The following ADARB2 variants were observed in gnomAD, a reference collection of about 807,000 sequenced individuals.
ADARB2 encodes the protein adenosine deaminase RNA specific B2 (inactive).
In ADARB2, 25 loss-of-function variants were observed where a neutral mutation model predicts 62.2. That is an observed-to-expected ratio of 0.40 (90% CI 0.29 to 0.56). The LOEUF is 0.56. Ranked by LOEUF, ADARB2 falls within the 20% of genes least tolerant of loss-of-function variation. The pLI is 0.43. For synonymous variants in ADARB2, 572 were observed against 500.8 expected (o/e 1.14, Z -1.90); for missense variants, 1,071 against 1,077.4 (o/e 0.99, Z 0.08).
intron 4 of ADARB2, among the ~76,000 whole-genome samples, chr10:1,259,578 A>G (rs1051882463): frequency 6.6e-6 from 1 of 152,138 alleles, no homozygotes; most frequent in African/African-American, 2.4e-5. Flanking sequence ...CGACACATAC[A>G]CTCTCCCAAG....
intron 1 of ADARB2, among the ~76,000 whole-genome samples, chr10:1,660,341 A>T (rs10751813): frequency 6.6e-6 from 1 of 152,224 alleles, no homozygotes; most frequent in Non-Finnish European, 1.5e-5. Flanking sequence ...TCTGTGTCAG[A>T]AATTATTAAT....
At chr10:1,609,651 C>T (rs1672883216) in intron 1 of ADARB2, among the ~76,000 whole-genome samples, 1 of 152,234 alleles carries the variant, frequency 6.6e-6, no homozygotes, top group Non-Finnish European at 1.5e-5. Flanking sequence ...TGTCTGTAAT[C>T]CTGAAAGAAC....
chr10:1,334,100 T>C (rs559676706), intron 3 of ADARB2, among the ~76,000 whole-genome samples: 96 of 152,300 alleles, frequency 6.3e-4, no homozygotes, highest in African/African-American at 2.0e-3. Flanking sequence ...GCAGGGGCCA[T>C]GGCAAGACGC....
At chr10:1,675,903 G>T in intron 1 of ADARB2, 1 of 784,594 alleles carries the variant, frequency 1.3e-6, no homozygotes, top group Non-Finnish European at 1.5e-6. Context: ...CAGAGGAAGG[G>T]GCTGCAGAGG....
intron 1 of ADARB2, among the ~76,000 whole-genome samples, chr10:1,445,010 G>C (rs575085453): frequency 7.5e-6 from 1 of 132,978 alleles, no homozygotes; most frequent in Non-Finnish European, 1.6e-5. Flanking sequence ...ACATTCATCC[G>C]TCCATCCACT....
At chr10:1,262,287 T>TATAATACTA (rs1554771087) in intron 4 of ADARB2, among the ~76,000 whole-genome samples, 1 of 135,780 alleles carries the variant, frequency 7.4e-6, no homozygotes, top group South Asian at 2.4e-4. Flanking sequence ...AAACTTAAAG[T>TATAATACTA]ATAATAATAA....
intron 3 of ADARB2, among the ~76,000 whole-genome samples, chr10:1,328,304 G>T (rs1831895709): frequency 6.6e-6 from 1 of 152,178 alleles, no homozygotes; most frequent in Non-Finnish European, 1.5e-5. Flanking sequence ...CAGGAAATTG[G>T]CAGTTAACAG....
At chr10:1,382,615 A>G (rs1457969763) in intron 1 of ADARB2, among the ~76,000 whole-genome samples, 1 of 151,942 alleles carries the variant, frequency 6.6e-6, no homozygotes, top group Non-Finnish European at 1.5e-5. Context: ...GAACTCTGAT[A>G]TTCAGCTAAT....
Position 1,363,487 on chromosome 10 carries a change from C to A in ADARB2, c.618G>T (p.Pro206=). 2 of 1,504,638 alleles carry A rather than the reference C, an allele frequency of 1.3e-6. No individual in the cohort carries two copies. Among genetic ancestry groups the A allele is most frequent in the Non-Finnish European group, 8.8e-7 (1 of 1,131,514 alleles). The allele number at this position is 1,504,638 out of a possible 1,614,324, so 93.2% of individuals were successfully genotyped here. A position where few individuals can be genotyped will look rare whatever the true frequency, so the allele number is the denominator to read the frequency against. Residue 206 remains proline (P), a synonymous_variant, in exon 3 of 10, where the codon CCG becomes CCT. Transcript: ENST00000381312. Reference sequence around the variant, plus strand: ...CGGAGGTGAAGTCCGTGCCGGGGCCCGGGCCCCCGCCCATGGCCAGGTGCG... The same window carrying A: ...CGGAGGTGAAGTCCGTGCCGGGGCCAGGGCCCCCGCCCATGGCCAGGTGCG... ...CQAHLAMGGG[P]GPGTDFTSDQ...
At chr10:1,612,129 G>A (rs1240711930) in intron 1 of ADARB2, among the ~76,000 whole-genome samples, 1 of 152,218 alleles carries the variant, frequency 6.6e-6, no homozygotes, top group Non-Finnish European at 1.5e-5. Context: ...CCAGGGCTGA[G>A]CCGAGGGGGC....
At chr10:1,374,024 G>A (rs1281236025) in intron 2 of ADARB2, among the ~76,000 whole-genome samples, 1 of 151,802 alleles carries the variant, frequency 6.6e-6, no homozygotes. Flanking sequence ...CTTCCAGTGA[G>A]ACTCCGTGGG....
At chr10:1,634,896 T>A (rs1300007621) in intron 1 of ADARB2, among the ~76,000 whole-genome samples, 2 of 152,260 alleles carry the variant, frequency 1.3e-5, no homozygotes, top group African/African-American at 4.8e-5. Context: ...AAACATTTTT[T>A]AATTTTTCTG....
chr10:1,522,016 G>A (rs1588286426), intron 1 of ADARB2, among the ~76,000 whole-genome samples: 2 of 152,124 alleles, frequency 1.3e-5, no homozygotes, highest in African/African-American at 4.8e-5. Flanking sequence ...TACAGAGTTG[G>A]ACTCTTTTCA....
At chr10:1,492,796 T>C (rs1162582562) in intron 1 of ADARB2, among the ~76,000 whole-genome samples, 1 of 150,904 alleles carries the variant, frequency 6.6e-6, no homozygotes, top group South Asian at 2.1e-4. Context: ...GGGAAGGAGG[T>C]GGGAGACGAG....
At position 1,721,216 on chromosome 10, in the gene ADARB2, T is replaced by A. The variant is rs189996969; in HGVS notation, c.100+15835A>T. On this transcript the variant is annotated intron_variant, in intron 1 of 9. Transcript: ENST00000381312. ...AGTTAATTCATCATCATCAAAATTA[T>A]GTAAATAATTCAAGTCACTTTTTAA... Among the ~76,000 whole-genome samples the A allele has an allele frequency of 1.5e-3, 223 of 152,330 alleles. 2 individuals carry two copies. Among genetic ancestry groups the A allele is most frequent in the South Asian group, 2.9e-3 (14 of 4,830 alleles).
intron 1 of ADARB2, among the ~76,000 whole-genome samples, chr10:1,733,887 G>A (rs1207365352): frequency 6.6e-6 from 1 of 152,140 alleles, no homozygotes; most frequent in African/African-American, 2.4e-5. Context: ...ACTATTTTCC[G>A]AACGCCTCTG....
chr10:1,294,610 G>A (rs918763367), intron 3 of ADARB2, among the ~76,000 whole-genome samples: 6 of 152,244 alleles, frequency 3.9e-5, no homozygotes, highest in East Asian at 3.9e-4. Flanking sequence ...TGACTGTCTC[G>A]CTTCCCCCAT....
intron 1 of ADARB2, among the ~76,000 whole-genome samples, chr10:1,395,601 G>T (rs1395762861): frequency 6.6e-6 from 1 of 152,220 alleles, no homozygotes; most frequent in Admixed American, 6.5e-5. Context: ...GGCGCCTCCA[G>T]GTTCCAGTGC....
Position 1,711,767 on chromosome 10 carries a change from T to C in ADARB2, c.100+25284A>G, listed in dbSNP as rs370069830. On this transcript the variant is annotated intron_variant, in intron 1 of 9. Transcript: ENST00000381312. ...ATAAGTAATGAAAGAGTTTCCCTCC[T>C]GCCCAGGCTCTTATAGATTTACATG... Among the ~76,000 whole-genome samples the C allele has an allele frequency of 5.9e-5, 9 of 152,358 alleles. No individual in the cohort carries two copies. The South Asian group carries it at 1.9e-3, about 32-fold the overall frequency.
Sources: allele counts gnomAD v4.1 joint callset (sites outside exome capture counted in the v4.1 genomes callset), GRCh38; gene constraint gnomAD v4.1.1; transcripts MANE v1.5; gene names NCBI Gene and HGNC (gene_info 2026-07-23, HGNC 2026-07-21).